PLD1: variants seen among roughly 807,000 people sequenced by gnomAD.
The protein encoded by PLD1 is phospholipase D1.
A neutral mutation model predicts 137.1 loss-of-function variants in PLD1; 112 were observed. That is an observed-to-expected ratio of 0.82 (90% CI 0.70 to 0.96). The LOEUF (loss-of-function observed/expected upper bound fraction) is 0.96, where lower values mean the gene tolerates loss of function less well. PLD1 is among the 40% of genes least tolerant of loss of function. PLD1 has a pLI of 0.00. For synonymous variants in PLD1, 431 were observed against 454.7 expected, an observed-to-expected ratio of 0.95 and a Z score of 0.66; for missense variants, 1,321 against 1,342.0, an observed-to-expected ratio of 0.98 and a Z score of 0.24.
intron 12 of PLD1, among the ~76,000 whole-genome samples, chr3:171,696,787 GT>G (rs752485178): frequency 1.3e-5 from 2 of 152,088 alleles, no homozygotes; most frequent in Non-Finnish European, 2.9e-5. Context: ...TCCGCTAAAT[GT>G]ACCACCAAGA....
intron 3 of PLD1, among the ~76,000 whole-genome samples, chr3:171,736,511 TGTATCAGGGA>T (rs1361405746): frequency 1.3e-5 from 2 of 152,074 alleles, no homozygotes; most frequent in African/African-American, 4.8e-5. Flanking sequence ...TGCTCAGTGG[TGTATCAGGGA>T]GACATGGACC....
intron 24 of PLD1, among the ~76,000 whole-genome samples, chr3:171,619,498 G>C (rs559584273): frequency 1.3e-5 from 2 of 152,284 alleles, no homozygotes; most frequent in African/African-American, 4.8e-5. Flanking sequence ...CCTATCATTA[G>C]TACACAATTC....
intron 23 of PLD1, among the ~76,000 whole-genome samples, chr3:171,627,125 A>G (rs1437487653): frequency 6.6e-6 from 1 of 152,236 alleles, no homozygotes; most frequent in Non-Finnish European, 1.5e-5. Flanking sequence ...TCTCACGTGC[A>G]GAGACACACA....
At chr3:171,696,413 C>G (rs1715697523) in intron 12 of PLD1, among the ~76,000 whole-genome samples, 1 of 152,118 alleles carries the variant, frequency 6.6e-6, no homozygotes, top group South Asian at 2.1e-4. Flanking sequence ...GGTTATTAAT[C>G]AGATACATAA....
intron 23 of PLD1, among the ~76,000 whole-genome samples, chr3:171,640,305 T>C (rs1442626851): frequency 6.6e-6 from 1 of 152,096 alleles, no homozygotes; most frequent in African/African-American, 2.4e-5. Flanking sequence ...ATGTTTATAG[T>C]TATAAATTTC....
intron 1 of PLD1, among the ~76,000 whole-genome samples, chr3:171,803,471 A>G (rs922096517): frequency 1.3e-5 from 2 of 152,180 alleles, no homozygotes; most frequent in Non-Finnish European, 2.9e-5. Flanking sequence ...GTGTTTGCCA[A>G]TTTCGATGGT....
intron 18 of PLD1, 145 bp downstream of exon 18, chr3:171,676,570 C>A: frequency 1.5e-6 from 1 of 683,628 alleles, no homozygotes; most frequent in South Asian, 1.8e-5. Context: ...CCCAGGCACC[C>A]GGACATCAAT....
intron 11 of PLD1, among the ~76,000 whole-genome samples, chr3:171,703,332 C>G (rs1716401023): frequency 6.6e-6 from 1 of 152,098 alleles, no homozygotes; most frequent in African/African-American, 2.4e-5. Flanking sequence ...GTGATACTAG[C>G]CAATGCAACA....
chr3:171,676,776 A>T lies in PLD1; in HGVS notation c.2054T>A (p.Val685Asp). 6.2e-7 allele frequency: 1 copy of T among 1,614,202 alleles called. No homozygotes were observed. The highest frequency in any genetic ancestry group is 8.5e-7 in the Non-Finnish European group (1 of 1,180,024). The change falls in exon 18 of 27, where the codon GTC becomes GAC. Residue 685 changes from valine to aspartate, a missense_variant. Transcript: ENST00000351298. ...CACATCACGAGCCGCCTTCCCGTGGACTGCAGAGGCAATGTCATGCCAGGG... is the reference window on the plus strand; with the variant it reads ...CACATCACGAGCCGCCTTCCCGTGGTCTGCAGAGGCAATGTCATGCCAGGG... ...RMPWHDIASA[V>D]HGKAARDVAR... is the part of the protein sequence containing the mutation.
intron 22 of PLD1, among the ~76,000 whole-genome samples, chr3:171,643,361 T>G (rs1310242931): frequency 6.6e-6 from 1 of 152,114 alleles, no homozygotes; most frequent in African/African-American, 2.4e-5. Flanking sequence ...ACGAAAAATA[T>G]AGTCTCAAAT....
intron 1 of PLD1, among the ~76,000 whole-genome samples, chr3:171,768,640 A>T (rs1353523350): frequency 6.6e-6 from 1 of 152,228 alleles, no homozygotes; most frequent in Non-Finnish European, 1.5e-5. Context: ...CTGATCTTCT[A>T]CTGCCATGCA....
At chr3:171,768,355 G>A (rs555894463) in intron 1 of PLD1, among the ~76,000 whole-genome samples, 19 of 152,324 alleles carry the variant, frequency 1.2e-4, no homozygotes, top group African/African-American at 4.6e-4. Flanking sequence ...GCAAGAACCA[G>A]GAGGTTAGGC....
intron 12 of PLD1, among the ~76,000 whole-genome samples, chr3:171,696,322 T>A (rs1046143581): frequency 4.6e-5 from 7 of 152,242 alleles, no homozygotes; most frequent in Non-Finnish European, 8.8e-5. Flanking sequence ...GTGAACAGTC[T>A]GCCTCTGAAG....
At chr3:171,715,184 G>A (rs1468867844) in intron 8 of PLD1, among the ~76,000 whole-genome samples, 3 of 152,146 alleles carry the variant, frequency 2.0e-5, no homozygotes, top group Non-Finnish European at 2.9e-5. Context: ...GGGTAACCCC[G>A]TTTTCCCAGC....
chr3:171,773,603 A>AAAAAC (rs1024877563), intron 1 of PLD1, among the ~76,000 whole-genome samples: 2 of 151,276 alleles, frequency 1.3e-5, no homozygotes, highest in Non-Finnish European at 2.9e-5. Flanking sequence ...CTCCGTCTCA[A>AAAAAC]AAAACAAAAC....
chr3:171,686,709 G>C lies in PLD1; in HGVS notation c.1843C>G (p.Gln615Glu), dbSNP rs780340887. ...CCAGCATGAGGTCTAGTGAGTCCTT[G>C]CTCAGACTCACTGGACGGGTGAAAG... ...KLFHPSSESE[Q>E]GLTRPHADTG... The change falls in exon 16 of 27, where the codon CAA becomes GAA. Residue 615 changes from glutamine (Q) to glutamate (E), a missense_variant. Physicochemically the swap from Gln to Glu is conservative, Grantham distance 29. Coordinates refer to ENST00000351298, the MANE Select transcript of PLD1 (RefSeq NM_002662.5). The C allele has an allele frequency of 9.4e-6, 15 of 1,599,500 alleles. No homozygotes were observed. Among genetic ancestry groups the C allele is most frequent in the African/African-American group, 1.3e-5 (1 of 74,530 alleles).
At chr3:171,759,329 A>G (rs1279149435) in intron 1 of PLD1, among the ~76,000 whole-genome samples, 1 of 152,230 alleles carries the variant, frequency 6.6e-6, no homozygotes, top group Non-Finnish European at 1.5e-5. Flanking sequence ...TAATGGAATG[A>G]AGTTATATTT....
At chr3:171,756,948 A>G (rs1191379104) in intron 1 of PLD1, among the ~76,000 whole-genome samples, 1 of 152,220 alleles carries the variant, frequency 6.6e-6, no homozygotes, top group Non-Finnish European at 1.5e-5. Context: ...TTTTAAAATC[A>G]GCAATGGCAT....
chr3:171,605,321 C>A lies in PLD1; in HGVS notation c.2978G>T (p.Arg993Leu). The A allele has an allele frequency of 6.2e-7, 1 of 1,606,828 alleles. No individual in the cohort carries two copies. ...FKEVWVSTAA[R>L]NATIYDKVFR... ...CACCTTGTCATAAATTGTAGCATTT[C>A]GAGCTGCTGTTGAAACCCACACCTC... is the stretch of plus-strand genomic sequence containing the variant. Residue 993 changes from arginine to leucine, a missense_variant, in exon 26 of 27, where the codon CGA becomes CTA. Coordinates refer to ENST00000351298, the MANE Select transcript of PLD1 (RefSeq NM_002662.5).
Sources: allele counts gnomAD v4.1 joint callset (sites outside exome capture counted in the v4.1 genomes callset), GRCh38; gene constraint gnomAD v4.1.1; transcripts MANE v1.5; gene names NCBI Gene and HGNC (gene_info 2026-07-23, HGNC 2026-07-21).